Variants in FUT9 observed in about 807,000 individuals in gnomAD.
FUT9 encodes fucosyltransferase 9.
A neutral mutation model predicts 29.7 loss-of-function variants in FUT9; 15 were observed. That is an observed-to-expected ratio of 0.51 (90% CI 0.34 to 0.78). FUT9 has a LOEUF of 0.78. Ranked by LOEUF, FUT9 falls within the 30% of genes least tolerant of loss-of-function variation. FUT9 has a pLI of 0.01. For synonymous variants in FUT9, 169 were observed against 153.7 expected (o/e 1.10, Z -0.74); for missense variants, 319 against 425.4 (o/e 0.75, Z 2.20).
chr6:96,114,940 C>T (rs1771882623), intron 2 of FUT9, among the ~76,000 whole-genome samples: 2 of 152,166 alleles, frequency 1.3e-5, no homozygotes, highest in South Asian at 2.1e-4. Flanking sequence ...ATGCTGTTCC[C>T]TAACAACACC....
chr6:96,183,063 A>T (rs779987052), intron 2 of FUT9, among the ~76,000 whole-genome samples: 6 of 152,110 alleles, frequency 3.9e-5, no homozygotes, highest in Non-Finnish European at 7.4e-5. Flanking sequence ...GATTCTACCC[A>T]TCCATGAGCA....
chr6:96,050,223 A>G (rs1770640883), intron 1 of FUT9, among the ~76,000 whole-genome samples: 1 of 152,152 alleles, frequency 6.6e-6, no homozygotes, highest in Non-Finnish European at 1.5e-5. Context: ...CCCTTCTGAG[A>G]GCAGGGACCT....
chr6:96,038,371 C>A (rs9498758), intron 1 of FUT9, among the ~76,000 whole-genome samples: 2 of 151,892 alleles, frequency 1.3e-5, no homozygotes. Flanking sequence ...ATTAGCAGAA[C>A]ATCTGGCTAA....
chr6:96,178,753 G>A (rs139994372), intron 2 of FUT9, among the ~76,000 whole-genome samples: 4 of 152,166 alleles, frequency 2.6e-5, no homozygotes, highest in Non-Finnish European at 5.9e-5. Context: ...AATATGAACT[G>A]TAGTATCTAA....
chr6:96,133,381 C>CA (rs1187374348), intron 2 of FUT9, among the ~76,000 whole-genome samples: 1 of 151,534 alleles, frequency 6.6e-6, no homozygotes, highest in African/African-American at 2.4e-5. Flanking sequence ...GAAGTAAAAC[C>CA]AAAAAAAGGA....
chr6:96,069,649 G>T (rs1378890786), intron 1 of FUT9, among the ~76,000 whole-genome samples: 2 of 150,062 alleles, frequency 1.3e-5, no homozygotes, highest in Admixed American at 6.6e-5. Context: ...ATTTTTTTGA[G>T]ATGGAGTCTC....
At chr6:96,146,911 T>G (rs1772578401) in intron 2 of FUT9, among the ~76,000 whole-genome samples, 1 of 152,236 alleles carries the variant, frequency 6.6e-6, no homozygotes, top group African/African-American at 2.4e-5. Flanking sequence ...TGTCTTTGAA[T>G]AGCTGTAATT....
intron 1 of FUT9, among the ~76,000 whole-genome samples, chr6:96,072,742 G>C (rs1233787352): frequency 1.3e-5 from 2 of 152,050 alleles, no homozygotes; most frequent in Non-Finnish European, 2.9e-5. Flanking sequence ...TTTAAAGTTT[G>C]TCATTTTGTG....
intron 2 of FUT9, among the ~76,000 whole-genome samples, chr6:96,156,955 C>A (rs1270969788): frequency 6.6e-6 from 1 of 152,116 alleles, no homozygotes; most frequent in Non-Finnish European, 1.5e-5. Flanking sequence ...AATGGGCAGA[C>A]AATGTTAGTT....
At chr6:96,141,182 T>G (rs191976769) in intron 2 of FUT9, among the ~76,000 whole-genome samples, 419 of 152,346 alleles carry the variant, frequency 2.8e-3, no homozygotes, top group African/African-American at 9.7e-3. Flanking sequence ...AAGTTTCTTC[T>G]GAAATGTATT....
intron 2 of FUT9, among the ~76,000 whole-genome samples, chr6:96,155,533 C>T (rs1021808793): frequency 1.3e-5 from 2 of 151,794 alleles, no homozygotes; most frequent in Non-Finnish European, 2.9e-5. Context: ...ATTAGCTGGG[C>T]GTGGTGGCAG....
chr6:96,181,313 C>T (rs1425297229), intron 2 of FUT9, among the ~76,000 whole-genome samples: 1 of 152,010 alleles, frequency 6.6e-6, no homozygotes, highest in East Asian at 1.9e-4. Context: ...TTCCACAGCC[C>T]TCTTTTTCAC....
At chr6:96,063,395 G>A (rs1770909214) in intron 1 of FUT9, among the ~76,000 whole-genome samples, 1 of 152,070 alleles carries the variant, frequency 6.6e-6, no homozygotes, top group African/African-American at 2.4e-5. Context: ...GCATCACATG[G>A]CAAAAGCAGG....
intron 1 of FUT9, among the ~76,000 whole-genome samples, chr6:96,094,571 G>A (rs2127954800): frequency 6.6e-6 from 1 of 152,236 alleles, no homozygotes; most frequent in South Asian, 2.1e-4. Flanking sequence ...GCATATATTG[G>A]GTTGGTACTA....
chr6:96,046,730 A>T (rs559949910), intron 1 of FUT9, among the ~76,000 whole-genome samples: 2 of 152,336 alleles, frequency 1.3e-5, no homozygotes, highest in East Asian at 3.9e-4. Flanking sequence ...ATGGCAAGTG[A>T]TTAATGAAGA....
At chr6:96,137,729 A>G (rs1772384563) in intron 2 of FUT9, among the ~76,000 whole-genome samples, 2 of 152,082 alleles carry the variant, frequency 1.3e-5, no homozygotes. Context: ...AGAAAATATG[A>G]ATAAAATATT....
chr6:96,207,683 A>G lies in FUT9; in HGVS notation c.*3448A>G, dbSNP rs1773858528. 1 of 167,008 alleles carries G rather than the reference A, an allele frequency of 6.0e-6. No homozygotes were observed. Among genetic ancestry groups the G allele is most frequent in the Non-Finnish European group, 1.5e-5 (1 of 68,052 alleles). 10.3% of individuals were successfully genotyped at this position (167,008 alleles called of 1,614,324 possible). On this transcript the variant is annotated 3_prime_UTR_variant, in exon 3 of 3. Coordinates refer to ENST00000302103, the MANE Select transcript of FUT9 (RefSeq NM_006581.4). Reference sequence around the variant, plus strand: ...GGTTTGCTGTTGATTATACAAACCAATAATTATGCCTAGAATTAAATTGTG... The same window carrying G: ...GGTTTGCTGTTGATTATACAAACCAGTAATTATGCCTAGAATTAAATTGTG...
intron 1 of FUT9, among the ~76,000 whole-genome samples, chr6:96,032,091 G>A (rs142101475): frequency 2.6e-5 from 4 of 151,504 alleles, no homozygotes; most frequent in African/African-American, 9.7e-5. Context: ...ATTGAGCTCT[G>A]TGGAACATAT....
At position 96,196,917 on chromosome 6, in the gene FUT9, G is replaced by A. The variant is rs931165381; in HGVS notation, c.-8-6231G>A. ...TTACACGGAAAGATGGGTGAAAGTT[G>A]TAGTAATATTTTTAGGTTTTATTAG... On this transcript the variant is annotated intron_variant, in intron 2 of 2. Coordinates refer to ENST00000302103, the MANE Select transcript of FUT9 (RefSeq NM_006581.4). Among the ~76,000 whole-genome samples, 9 of 152,108 alleles carry A rather than the reference G, an allele frequency of 5.9e-5. 1 individual carries two copies. The highest frequency in any genetic ancestry group is 5.2e-4 in the Admixed American group (8 of 15,264).
Sources: allele counts gnomAD v4.1 joint callset (sites outside exome capture counted in the v4.1 genomes callset), GRCh38; gene constraint gnomAD v4.1.1; transcripts MANE v1.5; gene names NCBI Gene and HGNC (gene_info 2026-07-23, HGNC 2026-07-21).